The following DGKI variants were observed in gnomAD, a reference collection of about 807,000 sequenced individuals.
The protein encoded by DGKI is DAG kinase iota.
A neutral mutation model predicts 147.5 loss-of-function variants in DGKI; 55 were observed. That is an observed-to-expected ratio of 0.37 (90% CI 0.30 to 0.47). The LOEUF (loss-of-function observed/expected upper bound fraction) is 0.47, where lower values mean the gene tolerates loss of function less well. Among genes scored for constraint, DGKI ranks in the 20% least tolerant of loss-of-function variants. DGKI has a pLI of 1.00. For missense variants in DGKI, 1,007 were observed against 1,323.8 expected (o/e 0.76, Z 3.71); for synonymous variants, 469 against 477.1 (o/e 0.98, Z 0.22).
chr7:137,455,144 C>A (rs945786191), intron 27 of DGKI, among the ~76,000 whole-genome samples: 1 of 152,080 alleles, frequency 6.6e-6, no homozygotes, highest in African/African-American at 2.4e-5. Context: ...GGGTTGGAAG[C>A]TGGTTTGGCA....
Position 137,751,887 on chromosome 7 carries a change from A to T in DGKI, c.402-61885T>A, listed in dbSNP as rs574974297. On this transcript the variant is annotated intron_variant, in intron 1 of 32. Transcript: ENST00000614521. The stretch of plus-strand genomic sequence containing the variant: ...TCAACCTCAGAACCAAAAAGCAAGC[A>T]TAAGATGATATAAAATAATAATAAC... 2.0e-5 allele frequency among the ~76,000 whole-genome samples: 3 copies of T among 152,384 alleles called. No homozygotes were observed. In the East Asian group the frequency reaches 5.8e-4, roughly 29 times the overall value.
chr7:137,788,637 CACACACACACACACACACACACACACAT>C (rs71921735), intron 1 of DGKI, among the ~76,000 whole-genome samples: 47,732 of 142,372 alleles, frequency 0.34, 7,716 homozygotes, highest in Middle Eastern at 0.44. Flanking sequence ...CCCATAAATA[CACACACACACACACACACACACACACAT>C]ACACACACAC....
At chr7:137,419,072 T>C (rs1458955522) in intron 28 of DGKI, among the ~76,000 whole-genome samples, 1 of 152,222 alleles carries the variant, frequency 6.6e-6, no homozygotes, top group African/African-American at 2.4e-5. Context: ...AGGACTCTTG[T>C]TTCATTTACT....
intron 23 of DGKI, among the ~76,000 whole-genome samples, chr7:137,477,761 A>G (rs748307190): frequency 1.3e-5 from 2 of 152,100 alleles, no homozygotes; most frequent in African/African-American, 2.4e-5. Context: ...GACTCAAACA[A>G]TCCTCCCACC....
chr7:137,576,666 T>C (rs1585248011), intron 17 of DGKI, among the ~76,000 whole-genome samples: 1 of 152,124 alleles, frequency 6.6e-6, no homozygotes, highest in South Asian at 2.1e-4. Context: ...AAACAGCACA[T>C]ACACAAAAAA....
intron 6 of DGKI, among the ~76,000 whole-genome samples, chr7:137,634,332 A>G (rs1347969286): frequency 1.3e-5 from 2 of 152,208 alleles, no homozygotes; most frequent in East Asian, 3.9e-4. Context: ...AATTTAGAGA[A>G]GGAGAAAAGA....
rs143115198 is a variant in DGKI, at chr7:137,794,913, C to G, written c.401+51549G>C. Among the ~76,000 whole-genome samples, 18 of 152,336 alleles carry G rather than the reference C, an allele frequency of 1.2e-4. No homozygotes were observed. In the East Asian group the frequency reaches 3.5e-3, roughly 29 times the overall value. ...GATATCAATCTTCCTAAAGAGGAGA[C>G]AAGCATCAGACTTCATCGTCCAGCT... On this transcript the variant is annotated intron_variant, in intron 1 of 32. Transcript: ENST00000614521.
intron 3 of DGKI, among the ~76,000 whole-genome samples, chr7:137,667,227 GT>G (rs1267965241): frequency 3.9e-5 from 6 of 152,086 alleles, no homozygotes; most frequent in African/African-American, 1.2e-4. Context: ...ATAATTACAG[GT>G]ACACAGACAC....
intron 26 of DGKI, among the ~76,000 whole-genome samples, chr7:137,464,114 A>C (rs950394710): frequency 6.6e-6 from 1 of 151,990 alleles, no homozygotes; most frequent in African/African-American, 2.4e-5. Context: ...AAAATTAGCC[A>C]GGCGTGGTGG....
At chr7:137,451,876 T>C (rs1247088933) in intron 27 of DGKI, among the ~76,000 whole-genome samples, 1 of 152,192 alleles carries the variant, frequency 6.6e-6, no homozygotes, top group East Asian at 1.9e-4. Flanking sequence ...TTATTTTTTT[T>C]CATCATCTCA....
At chr7:137,463,017 A>G (rs1048153900) in intron 27 of DGKI, among the ~76,000 whole-genome samples, 1 of 152,194 alleles carries the variant, frequency 6.6e-6, no homozygotes, top group Admixed American at 6.5e-5. Context: ...ACCCAGCTTT[A>G]GCCAACAAAC....
intron 20 of DGKI, among the ~76,000 whole-genome samples, chr7:137,525,000 T>C (rs1417879538): frequency 6.6e-6 from 1 of 152,108 alleles, no homozygotes; most frequent in African/African-American, 2.4e-5. Flanking sequence ...TCCTCCCAGG[T>C]TCTCATCTAT....
chr7:137,491,923 A>T (rs1048672743), intron 21 of DGKI, among the ~76,000 whole-genome samples: 13 of 152,320 alleles, frequency 8.5e-5, no homozygotes, highest in African/African-American at 3.1e-4. Flanking sequence ...AATTCTAAGA[A>T]TCCAAAGCAC....
intron 1 of DGKI, among the ~76,000 whole-genome samples, chr7:137,760,737 G>A (rs1360625020): frequency 1.3e-5 from 2 of 152,172 alleles, no homozygotes; most frequent in African/African-American, 4.8e-5. Flanking sequence ...AGATGGGTCT[G>A]CTGAGGTCCA....
At chr7:137,539,637 G>A (rs76092049) in intron 20 of DGKI, among the ~76,000 whole-genome samples, 1 of 151,838 alleles carries the variant, frequency 6.6e-6, no homozygotes, top group Non-Finnish European at 1.5e-5. Context: ...CTTGTGGCCT[G>A]AACTTGAGTC....
At chr7:137,805,569 T>C (rs1451556187) in intron 1 of DGKI, among the ~76,000 whole-genome samples, 5 of 152,298 alleles carry the variant, frequency 3.3e-5, no homozygotes, top group African/African-American at 9.6e-5. Flanking sequence ...GAAAAAACCA[T>C]GTTCTTCAAG....
chr7:137,545,815 T>C (rs1194120149), intron 20 of DGKI: 2 of 608,462 alleles, frequency 3.3e-6, no homozygotes, highest in Admixed American at 2.4e-5. Flanking sequence ...CGAACAGACC[T>C]GTGAAGGCAA....
At chr7:137,616,226 C>A (rs1820526690) in intron 8 of DGKI, among the ~76,000 whole-genome samples, 1 of 152,044 alleles carries the variant, frequency 6.6e-6, no homozygotes, top group South Asian at 2.1e-4. Context: ...TTCTCTGTGC[C>A]TCACAATCCT....
At chr7:137,812,156 T>C (rs1171109439) in intron 1 of DGKI, among the ~76,000 whole-genome samples, 2 of 152,168 alleles carry the variant, frequency 1.3e-5, no homozygotes, top group Non-Finnish European at 2.9e-5. Flanking sequence ...ACCAGTCTAG[T>C]GTAAAGGAGA....
Sources: allele counts gnomAD v4.1 joint callset (sites outside exome capture counted in the v4.1 genomes callset), GRCh38; gene constraint gnomAD v4.1.1; transcripts MANE v1.5; gene names NCBI Gene and HGNC (gene_info 2026-07-23, HGNC 2026-07-21).